The following DCDC2C variants were observed in gnomAD, a reference collection of about 807,000 sequenced individuals.
DCDC2C encodes doublecortin domain containing 2C.
DCDC2C carries 44 observed loss-of-function variants against 45.0 expected under a neutral mutation model. The ratio of observed to expected loss-of-function variants is 0.98; its 90% CI spans 0.77 to 1.26. The LOEUF (loss-of-function observed/expected upper bound fraction) is 1.26, where lower values mean the gene tolerates loss of function less well. Ranked by LOEUF, DCDC2C falls within the 50% of genes most tolerant of loss-of-function variation. DCDC2C has a pLI of 0.00. For synonymous variants in DCDC2C, 187 were observed against 178.8 expected (o/e 1.05, Z -0.37); for missense variants, 447 against 468.9 (o/e 0.95, Z 0.43).
intron 2 of DCDC2C, among the ~76,000 whole-genome samples, chr2:3,712,956 A>G (rs1558558893): frequency 6.6e-6 from 1 of 152,192 alleles, no homozygotes; most frequent in African/African-American, 2.4e-5. Context: ...GCAAAAATGG[A>G]AAAATAGCAA....
At chr2:3,840,906 C>T in intron 10 of DCDC2C, among the ~76,000 whole-genome samples, 1 of 152,208 alleles carries the variant, frequency 6.6e-6, no homozygotes, top group East Asian at 1.9e-4. Context: ...TGACAGGCAG[C>T]CTTCCCCATG....
At chr2:3,772,210 G>A (rs1463185263) in intron 8 of DCDC2C, among the ~76,000 whole-genome samples, 3 of 152,138 alleles carry the variant, frequency 2.0e-5, no homozygotes, top group Admixed American at 6.5e-5. Context: ...CCATTGCTTC[G>A]TGGTCAGTGA....
At chr2:3,770,964 T>C (rs564135503) in intron 8 of DCDC2C, among the ~76,000 whole-genome samples, 1 of 152,362 alleles carries the variant, frequency 6.6e-6, no homozygotes, top group African/African-American at 2.4e-5. Context: ...GAAAGCGTTT[T>C]CTGTGCAGCA....
intron 10 of DCDC2C, among the ~76,000 whole-genome samples, chr2:3,824,480 A>G (rs1572643425): frequency 6.6e-6 from 1 of 152,238 alleles, no homozygotes; most frequent in East Asian, 1.9e-4. Flanking sequence ...TGAGGTAAAC[A>G]GTCTGTATGC....
intron 10 of DCDC2C, among the ~76,000 whole-genome samples, chr2:3,819,992 G>A (rs1671648519): frequency 6.6e-6 from 1 of 152,148 alleles, no homozygotes; most frequent in South Asian, 2.1e-4. Context: ...GAGGTCAGAT[G>A]GGTCTGTAGA....
chr2:3,803,423 C>T (rs574574022), intron 10 of DCDC2C, among the ~76,000 whole-genome samples: 2 of 152,204 alleles, frequency 1.3e-5, no homozygotes, highest in South Asian at 4.1e-4. Context: ...GGTTCTCCTC[C>T]TCACTGCTTC....
chr2:3,739,851 T>A (rs6724275), intron 3 of DCDC2C, among the ~76,000 whole-genome samples: 10,010 of 152,288 alleles, frequency 0.066, 465 homozygotes, highest in Middle Eastern at 0.13. Flanking sequence ...AAGAGCAGCC[T>A]GTAACACAGG....
At chr2:3,840,045 C>G (rs576444596) in intron 10 of DCDC2C, among the ~76,000 whole-genome samples, 216 of 152,294 alleles carry the variant, frequency 1.4e-3, no homozygotes, top group African/African-American at 5.2e-3. Flanking sequence ...TGGGGCAGAT[C>G]TGTGGAAAAG....
chr2:3,800,329 C>T (rs1015826688), intron 10 of DCDC2C, among the ~76,000 whole-genome samples: 3 of 152,210 alleles, frequency 2.0e-5, no homozygotes, highest in African/African-American at 7.2e-5. Flanking sequence ...CACCCGTCTT[C>T]TGTGTCACTC....
intron 3 of DCDC2C, among the ~76,000 whole-genome samples, chr2:3,733,991 A>T (rs357955): frequency 7.9e-5 from 12 of 152,304 alleles, no homozygotes; most frequent in Admixed American, 5.2e-4. Flanking sequence ...TATTTTCCCA[A>T]GTGTCATCTG....
At chr2:3,745,689 A>G (rs559101218) in intron 4 of DCDC2C, among the ~76,000 whole-genome samples, 37 of 152,278 alleles carry the variant, frequency 2.4e-4, no homozygotes, top group African/African-American at 7.9e-4. Context: ...TGAGATTTCC[A>G]TCACACCTTT....
At chr2:3,793,762 AC>A (rs1416060726) in intron 10 of DCDC2C, among the ~76,000 whole-genome samples, 1 of 152,228 alleles carries the variant, frequency 6.6e-6, no homozygotes, top group Non-Finnish European at 1.5e-5. Context: ...CAAGGTGTAG[AC>A]CAGGTCACTG....
chr2:3,728,244 T>C (rs1558566516), intron 3 of DCDC2C, among the ~76,000 whole-genome samples: 1 of 152,246 alleles, frequency 6.6e-6, no homozygotes, highest in Non-Finnish European at 1.5e-5. Context: ...TCGCCAAACT[T>C]GGCCCCTTGC....
chr2:3,804,494 G>GT (rs1382856042), intron 10 of DCDC2C, among the ~76,000 whole-genome samples: 1 of 151,956 alleles, frequency 6.6e-6, no homozygotes, highest in Non-Finnish European at 1.5e-5. Flanking sequence ...CTCCTCAAAT[G>GT]TTTTTTAGAA....
intron 4 of DCDC2C, among the ~76,000 whole-genome samples, chr2:3,742,481 G>A (rs1187010554): frequency 6.6e-6 from 1 of 152,160 alleles, no homozygotes; most frequent in African/African-American, 2.4e-5. Context: ...AGAAGAGCAT[G>A]TGGGAGGGAG....
chr2:3,791,905 T>C (rs1251214903), intron 10 of DCDC2C, among the ~76,000 whole-genome samples: 1 of 152,200 alleles, frequency 6.6e-6, no homozygotes, highest in African/African-American at 2.4e-5. Flanking sequence ...ACCTTGACAG[T>C]GAAAAGGAAA....
chr2:3,735,162 C>T (rs563706875), intron 3 of DCDC2C, among the ~76,000 whole-genome samples: 3 of 152,280 alleles, frequency 2.0e-5, no homozygotes, highest in East Asian at 1.9e-4. Context: ...AGCCACTCCA[C>T]GGTCCTTTTT....
At position 3,735,131 on chromosome 2, in the gene DCDC2C, G is replaced by A. The variant is rs536701178; in HGVS notation, c.417-6789G>A. Among the ~76,000 whole-genome samples the A allele has an allele frequency of 1.1e-4, 16 of 152,216 alleles. No homozygotes were observed. The South Asian group carries it at 3.3e-3, about 32-fold the overall frequency. The stretch of plus-strand genomic sequence containing the variant: ...TCATAGCCCAGATACCAGACACACA[G>A]GATAACTGAACTTTGTGTCTAGCCA... On this transcript the variant is annotated intron_variant, in intron 3 of 10. Coordinates refer to ENST00000399143, the MANE Select transcript of DCDC2C (RefSeq NM_001287444.2).
intron 6 of DCDC2C, among the ~76,000 whole-genome samples, chr2:3,764,446 G>A (rs1572597986): frequency 6.6e-6 from 1 of 152,166 alleles, no homozygotes; most frequent in East Asian, 1.9e-4. Flanking sequence ...GGTTGACTAG[G>A]ACAGACTCAG....
Sources: allele counts gnomAD v4.1 joint callset (sites outside exome capture counted in the v4.1 genomes callset), GRCh38; gene constraint gnomAD v4.1.1; transcripts MANE v1.5; gene names NCBI Gene and HGNC (gene_info 2026-07-23, HGNC 2026-07-21).